MTUS2: variants seen among roughly 807,000 people sequenced by gnomAD.
The protein encoded by MTUS2 is microtubule-associated tumor suppressor candidate 2.
MTUS2 carries 40 observed loss-of-function variants against 114.1 expected under a neutral mutation model. That is an observed-to-expected ratio of 0.35 (90% CI 0.27 to 0.46). MTUS2 has a LOEUF of 0.46. MTUS2 is among the 20% of genes least tolerant of loss of function. MTUS2 has a pLI of 1.00. For synonymous variants in MTUS2, 688 were observed against 672.0 expected (o/e 1.02, Z -0.37); for missense variants, 1,679 against 1,705.4 (o/e 0.98, Z 0.27).
At chr13:29,254,709 T>C (rs1411289299) in intron 5 of MTUS2, among the ~76,000 whole-genome samples, 1 of 152,284 alleles carries the variant, frequency 6.6e-6, no homozygotes, top group African/African-American at 2.4e-5. Flanking sequence ...TTTAGCTTTC[T>C]CTGCACCAAT....
chr13:29,380,536 T>G (rs1872122277), intron 8 of MTUS2, among the ~76,000 whole-genome samples: 1 of 152,148 alleles, frequency 6.6e-6, no homozygotes, highest in African/African-American at 2.4e-5. Context: ...TAACTTCCAT[T>G]CCTAATAGAT....
chr13:29,394,134 T>G (rs3125712), intron 8 of MTUS2, among the ~76,000 whole-genome samples: 1 of 152,174 alleles, frequency 6.6e-6, no homozygotes, highest in Non-Finnish European at 1.5e-5. Context: ...AAGTCAAACT[T>G]TATAAAATAT....
intron 5 of MTUS2, among the ~76,000 whole-genome samples, chr13:29,192,153 G>A (rs1894474035): frequency 1.3e-5 from 2 of 152,178 alleles, no homozygotes; most frequent in African/African-American, 4.8e-5. Context: ...TGTGTGTGCT[G>A]TTAAACTTCA....
At chr13:29,211,841 T>A (rs3011459) in intron 5 of MTUS2, among the ~76,000 whole-genome samples, 1 of 149,266 alleles carries the variant, frequency 6.7e-6, no homozygotes, top group African/African-American at 2.5e-5. Flanking sequence ...TCAAAGGGTC[T>A]GTGGATTCTC....
chr13:29,068,024 T>A (rs326504), intron 4 of MTUS2, among the ~76,000 whole-genome samples: 149,199 of 152,304 alleles, frequency 0.98, 73,119 homozygotes, highest in Non-Finnish European at 1. Context: ...CAACTATACT[T>A]TCTACCAAGG....
At chr13:29,494,923 C>T (rs1305549851) in intron 12 of MTUS2, among the ~76,000 whole-genome samples, 1 of 151,656 alleles carries the variant, frequency 6.6e-6, no homozygotes, top group African/African-American at 2.4e-5. Flanking sequence ...CATTGGCTCA[C>T]GTTTGTATTC....
intron 8 of MTUS2, among the ~76,000 whole-genome samples, chr13:29,424,584 T>C (rs926699825): frequency 5.3e-5 from 8 of 152,268 alleles, no homozygotes; most frequent in African/African-American, 1.9e-4. Context: ...TCTAGCTCAC[T>C]AAAATTGGAA....
At chr13:29,453,907 C>T (rs955870762) in intron 9 of MTUS2, among the ~76,000 whole-genome samples, 2 of 152,080 alleles carry the variant, frequency 1.3e-5, no homozygotes, top group Admixed American at 1.3e-4. Context: ...CATGTCTAAG[C>T]CATTAAGAAT....
At chr13:28,908,179 T>G (rs1593290775) in intron 2 of MTUS2, among the ~76,000 whole-genome samples, 1 of 151,540 alleles carries the variant, frequency 6.6e-6, no homozygotes, top group African/African-American at 2.4e-5. Flanking sequence ...TTAGGGTACG[T>G]GTACACAACA....
intron 2 of MTUS2, among the ~76,000 whole-genome samples, chr13:28,971,527 T>TC (rs576795269): frequency 1.2e-3 from 186 of 152,172 alleles, no homozygotes; most frequent in Non-Finnish European, 1.8e-3. Flanking sequence ...CATTAGGACT[T>TC]CAACAGTAAG....
At chr13:29,259,395 T>A (rs185381498) in intron 5 of MTUS2, among the ~76,000 whole-genome samples, 31 of 152,272 alleles carry the variant, frequency 2.0e-4, no homozygotes, top group Middle Eastern at 3.4e-3. Flanking sequence ...CTGAGCAATA[T>A]CAGAGTCATA....
intron 2 of MTUS2, among the ~76,000 whole-genome samples, chr13:28,884,640 A>G (rs1351761241): frequency 6.6e-6 from 1 of 152,178 alleles, no homozygotes; most frequent in Non-Finnish European, 1.5e-5. Flanking sequence ...GAGTGAGTGC[A>G]TTTGAAGCTA....
chr13:29,368,108 T>A (rs1734942013), intron 8 of MTUS2, among the ~76,000 whole-genome samples: 1 of 151,718 alleles, frequency 6.6e-6, no homozygotes, highest in African/African-American at 2.4e-5. Flanking sequence ...CCGGCTAATT[T>A]TTTGTATTTT....
intron 5 of MTUS2, among the ~76,000 whole-genome samples, chr13:29,142,570 G>A (rs1892270846): frequency 6.6e-6 from 1 of 152,190 alleles, no homozygotes; most frequent in South Asian, 2.1e-4. Flanking sequence ...GCTGGGCGTG[G>A]TAGCCGGTGT....
At chr13:28,924,189 A>T (rs909788674) in intron 2 of MTUS2, among the ~76,000 whole-genome samples, 1 of 152,104 alleles carries the variant, frequency 6.6e-6, no homozygotes, top group African/African-American at 2.4e-5. Context: ...TGCTGCTTAT[A>T]CAGTCCTAGG....
chr13:29,502,884 C>T, intron 15 of MTUS2, 109 bp from the exon 16 acceptor site: 1 of 1,081,596 alleles, frequency 9.2e-7, no homozygotes, highest in East Asian at 2.5e-5. Flanking sequence ...GGTCCCTGTT[C>T]TCCCTGCGGT....
chr13:29,089,689 G>A (rs1352369833), intron 4 of MTUS2, among the ~76,000 whole-genome samples: 2 of 152,050 alleles, frequency 1.3e-5, no homozygotes, highest in Non-Finnish European at 2.9e-5. Flanking sequence ...TCAAAGGAGC[G>A]GTGTTCAAGC....
At chr13:29,068,325 A>G (rs1207204826) in intron 4 of MTUS2, among the ~76,000 whole-genome samples, 1 of 152,208 alleles carries the variant, frequency 6.6e-6, no homozygotes, top group Admixed American at 6.5e-5. Context: ...TTTCATTGCA[A>G]CTCAGCATGC....
intron 10 of MTUS2, 40 bp from the exon 11 acceptor site, chr13:29,487,860 G>A (rs747329005): frequency 5.1e-5 from 75 of 1,481,632 alleles, no homozygotes; most frequent in Admixed American, 1.3e-4. Flanking sequence ...TGTTCTCCAA[G>A]CAGCTCTCTG....
Sources: allele counts gnomAD v4.1 joint callset (sites outside exome capture counted in the v4.1 genomes callset), GRCh38; gene constraint gnomAD v4.1.1; transcripts MANE v1.5; gene names NCBI Gene and HGNC (gene_info 2026-07-23, HGNC 2026-07-21).